Variants in KCNJ6 observed in about 807,000 individuals in gnomAD.
The protein encoded by KCNJ6 is G protein-activated inward rectifier potassium channel 2.
KCNJ6 carries 9 observed loss-of-function variants against 34.2 expected under a neutral mutation model. That is an observed-to-expected ratio of 0.26 (90% CI 0.16 to 0.46). The LOEUF is 0.46. KCNJ6 is among the 20% of genes least tolerant of loss of function. The probability of loss-of-function intolerance (pLI) is 1.00; values close to 1 mark genes in which losing one functional copy is unlikely to be tolerated. For missense variants in KCNJ6, 236 were observed against 531.3 expected, an observed-to-expected ratio of 0.44 and a Z score of 5.46; for synonymous variants, 196 against 207.1, an observed-to-expected ratio of 0.95 and a Z score of 0.46.
At chr21:37,774,421 C>T (rs970542935) in intron 2 of KCNJ6, among the ~76,000 whole-genome samples, 4 of 151,910 alleles carry the variant, frequency 2.6e-5, no homozygotes, top group Non-Finnish European at 5.9e-5. Flanking sequence ...CATATGTATA[C>T]GTGTGCCATG....
At chr21:37,700,723 T>A (rs922281032) in intron 3 of KCNJ6, among the ~76,000 whole-genome samples, 1 of 152,066 alleles carries the variant, frequency 6.6e-6, no homozygotes, top group African/African-American at 2.4e-5. Flanking sequence ...TGGACAAGCT[T>A]AGCCAGGGCC....
At chr21:37,748,346 T>C (rs1355201680) in intron 2 of KCNJ6, among the ~76,000 whole-genome samples, 1 of 152,178 alleles carries the variant, frequency 6.6e-6, no homozygotes, top group East Asian at 1.9e-4. Context: ...AGAACTGCAC[T>C]TGTCAGAGCA....
intron 2 of KCNJ6, among the ~76,000 whole-genome samples, chr21:37,762,824 A>G (rs564864164): frequency 3.6e-4 from 55 of 152,312 alleles, no homozygotes; most frequent in African/African-American, 1.3e-3. Flanking sequence ...CTCCAAGCCA[A>G]TGAAATCCCA....
At chr21:37,736,851 A>G (rs1400879569) in intron 2 of KCNJ6, among the ~76,000 whole-genome samples, 1 of 152,206 alleles carries the variant, frequency 6.6e-6, no homozygotes, top group Non-Finnish European at 1.5e-5. Context: ...TATGAGCTCC[A>G]ACTGACTTCA....
At chr21:37,842,507 C>T (rs891436993) in intron 1 of KCNJ6, among the ~76,000 whole-genome samples, 4 of 152,342 alleles carry the variant, frequency 2.6e-5, no homozygotes, top group South Asian at 2.1e-4. Context: ...TTCATGACAA[C>T]GAAATCAGCA....
intron 3 of KCNJ6, among the ~76,000 whole-genome samples, chr21:37,654,428 AT>A (rs1176382659): frequency 6.6e-6 from 1 of 150,992 alleles, no homozygotes; most frequent in Admixed American, 6.6e-5. Context: ...AAAAAAAAAA[AT>A]GTTTTGGCAT....
At chr21:37,769,239 G>A (rs564842214) in intron 2 of KCNJ6, among the ~76,000 whole-genome samples, 3 of 152,056 alleles carry the variant, frequency 2.0e-5, no homozygotes, top group Non-Finnish European at 2.9e-5. Context: ...TCTCTTCTCC[G>A]CCTGAAAATG....
chr21:37,699,344 T>C (rs1406792218), intron 3 of KCNJ6, among the ~76,000 whole-genome samples: 1 of 152,184 alleles, frequency 6.6e-6, no homozygotes, highest in Non-Finnish European at 1.5e-5. Flanking sequence ...AAAAGGCCTT[T>C]TGCATAGTTT....
chr21:37,901,422 T>C (rs2055816436), intron 1 of KCNJ6, among the ~76,000 whole-genome samples: 1 of 152,040 alleles, frequency 6.6e-6, no homozygotes, highest in Non-Finnish European at 1.5e-5. Flanking sequence ...GGAAACCACA[T>C]GGAAATAGAG....
intron 2 of KCNJ6, among the ~76,000 whole-genome samples, chr21:37,806,770 T>C (rs1009486341): frequency 6.6e-6 from 1 of 152,212 alleles, no homozygotes; most frequent in African/African-American, 2.4e-5. Flanking sequence ...TGCAGTGTAT[T>C]TTTGCTCTTT....
In KCNJ6 at chr21:37,624,334, G is replaced by T. The variant is rs1375364778; in HGVS notation, c.*825C>A. On this transcript the variant is annotated 3_prime_UTR_variant, in exon 4 of 4. Coordinates refer to ENST00000609713, the MANE Select transcript of KCNJ6 (RefSeq NM_002240.5). ...GAAAGGATCCGTGTGGGAACAGTGA[G>T]GTACCCTAACGTCTGCCAGTCTGAG... 1 of 152,150 alleles carries T rather than the reference G, an allele frequency of 6.6e-6. No individual in the cohort carries two copies. Among genetic ancestry groups the T allele is most frequent in the Non-Finnish European group, 1.5e-5 (1 of 68,038 alleles). 9.4% of individuals were successfully genotyped at this position (152,150 alleles called of 1,614,324 possible).
intron 3 of KCNJ6, among the ~76,000 whole-genome samples, chr21:37,674,512 C>T (rs916341169): frequency 0.051 from 5 of 98 alleles, no homozygotes; most frequent in Admixed American, 0.21. Context: ...CCCTCCTCAC[C>T]CACTGGCTCC....
chr21:37,916,418 G>T lies in KCNJ6; in HGVS notation c.-562C>A, dbSNP rs1352555758. 1 of 152,170 alleles carries T rather than the reference G, an allele frequency of 6.6e-6. No homozygotes were observed. The highest frequency in any genetic ancestry group is 1.5e-5 in the Non-Finnish European group (1 of 68,038). 9.4% of individuals were successfully genotyped at this position (152,170 alleles called of 1,614,324 possible). A position where few individuals can be genotyped will look rare whatever the true frequency, so the allele number is the denominator to read the frequency against. ...AATTCCAGCCGACTGGCTGAGCCCC[G>T]CTGGCAGCGCACGAAGCGACGCGGC... On this transcript the variant is annotated 5_prime_UTR_variant, in exon 1 of 4. Transcript: ENST00000609713.
At chr21:37,717,503 C>T (rs1476848870) in intron 2 of KCNJ6, among the ~76,000 whole-genome samples, 2 of 152,210 alleles carry the variant, frequency 1.3e-5, no homozygotes, top group East Asian at 3.9e-4. Flanking sequence ...GAGGCAGAGG[C>T]CATGGCTTTC....
At chr21:37,684,646 G>T (rs1388575739) in intron 3 of KCNJ6, among the ~76,000 whole-genome samples, 1 of 152,210 alleles carries the variant, frequency 6.6e-6, no homozygotes, top group Non-Finnish European at 1.5e-5. Flanking sequence ...TGCTAAAGTG[G>T]GTGGGATAAA....
chr21:37,902,943 G>A (rs776053010), intron 1 of KCNJ6, among the ~76,000 whole-genome samples: 3 of 152,170 alleles, frequency 2.0e-5, no homozygotes, highest in Non-Finnish European at 2.9e-5. Flanking sequence ...GCCAGGGTGT[G>A]AGAACCTCTG....
chr21:37,815,149 G>A (rs2055340846), intron 2 of KCNJ6, among the ~76,000 whole-genome samples: 1 of 151,946 alleles, frequency 6.6e-6, no homozygotes, highest in Non-Finnish European at 1.5e-5. Flanking sequence ...AGATGGGGAT[G>A]GTTAATAGGT....
intron 3 of KCNJ6, among the ~76,000 whole-genome samples, chr21:37,683,479 C>CCT (rs2054599007): frequency 1.3e-5 from 2 of 152,286 alleles, no homozygotes; most frequent in South Asian, 4.1e-4. Context: ...TCTTCTCTAC[C>CCT]CTCTCTTCCT....
At chr21:37,739,691 C>A (rs1483887112) in intron 2 of KCNJ6, among the ~76,000 whole-genome samples, 1 of 151,912 alleles carries the variant, frequency 6.6e-6, no homozygotes, top group Non-Finnish European at 1.5e-5. Flanking sequence ...CACTAATAAC[C>A]CAATTTGTGC....
Sources: gnomAD v4.1 joint callset for allele counts (sites outside exome capture counted in the v4.1 genomes callset) on GRCh38, gnomAD v4.1.1 for gene constraint, MANE v1.5 for transcripts, NCBI Gene and HGNC (gene_info 2026-07-23, HGNC 2026-07-21) for gene names.